The following TCF7L1 variants were observed in gnomAD, a reference collection of about 807,000 sequenced individuals.
The protein encoded by TCF7L1 is transcription factor 7 like 1, also known as transcription factor 7-like 1.
Under a neutral mutation model 63.7 loss-of-function variants are expected in TCF7L1, and 18 were observed. The ratio of observed to expected loss-of-function variants is 0.28; its 90% CI spans 0.20 to 0.42. TCF7L1 has a LOEUF of 0.42. Ranked by LOEUF, TCF7L1 falls within the 10% of genes least tolerant of loss-of-function variation. TCF7L1 has a pLI of 1.00. For synonymous variants in TCF7L1, 355 were observed against 340.9 expected, an observed-to-expected ratio of 1.04 and a Z score of -0.46; for missense variants, 654 against 779.3, an observed-to-expected ratio of 0.84 and a Z score of 1.91.
At chr2:85,294,909 C>T (rs1681808113) in intron 4 of TCF7L1, among the ~76,000 whole-genome samples, 1 of 151,962 alleles carries the variant, frequency 6.6e-6, no homozygotes, top group African/African-American at 2.4e-5. Flanking sequence ...TGGCACATAC[C>T]TGCAGTCCCA....
At chr2:85,303,863 G>T (rs199708839) in intron 5 of TCF7L1, 32 bp from the exon 6 acceptor site, 58 of 1,527,300 alleles carry the variant, frequency 3.8e-5, no homozygotes, top group Non-Finnish European at 4.9e-5. Flanking sequence ...CAGGGCGAGG[G>T]AACAGTCTGA....
chr2:85,161,233 A>G lies in TCF7L1; in HGVS notation c.441+26783A>G, dbSNP rs113212935. 5.3e-3 allele frequency among the ~76,000 whole-genome samples: 803 copies of G among 152,284 alleles called. 5 individuals carry two copies. The highest frequency in any genetic ancestry group is 0.018 in the African/African-American group (767 of 41,556). On this transcript the variant is annotated intron_variant, in intron 3 of 11. Coordinates refer to ENST00000282111, the MANE Select transcript of TCF7L1 (RefSeq NM_031283.3). ...TTGCAGTTGCCCAATTTCCTGGTGA[A>G]TTTTCAGGTTCTCTAGTGGTTTGGA...
chr2:85,274,349 C>G (rs566606151), intron 3 of TCF7L1, among the ~76,000 whole-genome samples: 22 of 152,332 alleles, frequency 1.4e-4, no homozygotes, highest in Middle Eastern at 3.4e-3. Flanking sequence ...CCCGGGGTCC[C>G]CCTGGTCAGG....
At chr2:85,173,316 T>C (rs1353704320) in intron 3 of TCF7L1, among the ~76,000 whole-genome samples, 1 of 113,058 alleles carries the variant, frequency 8.8e-6, no homozygotes, top group African/African-American at 3.5e-5. Flanking sequence ...AGCAGGGGAG[T>C]GGGTACGGAG....
chr2:85,172,244 C>T (rs79222457), intron 3 of TCF7L1, among the ~76,000 whole-genome samples: 6,102 of 152,170 alleles, frequency 0.04, 130 homozygotes, highest in Middle Eastern at 0.065. Flanking sequence ...AGGTAATGGT[C>T]GGCCCTCCTC....
chr2:85,178,644 C>G (rs1294856151), intron 3 of TCF7L1, among the ~76,000 whole-genome samples: 2 of 152,134 alleles, frequency 1.3e-5, no homozygotes, highest in Non-Finnish European at 2.9e-5. Flanking sequence ...GGTTATTTGT[C>G]CATTTTATAG....
intron 3 of TCF7L1, among the ~76,000 whole-genome samples, chr2:85,165,076 C>T (rs72840118): frequency 0.13 from 20,169 of 152,148 alleles, 1,694 homozygotes; most frequent in African/African-American, 0.23. Flanking sequence ...TGTGGGCTTC[C>T]CTAGCCTACC....
rs190373975 is a variant in TCF7L1, at chr2:85,207,312, T to A, written c.441+72862T>A. On this transcript the variant is annotated intron_variant, in intron 3 of 11. Coordinates refer to ENST00000282111, the MANE Select transcript of TCF7L1 (RefSeq NM_031283.3). ...GACCCTTGTTGTCTTTCACACCACTTTGTCCCTCAGTCACAACCACCAAGC... is the reference window on the plus strand; with the variant it reads ...GACCCTTGTTGTCTTTCACACCACTATGTCCCTCAGTCACAACCACCAAGC... Among the ~76,000 whole-genome samples the A allele has an allele frequency of 2.6e-5, 4 of 152,260 alleles. No individual in the cohort carries two copies. The East Asian group carries it at 7.7e-4, about 29-fold the overall frequency.
At chr2:85,221,297 G>C (rs1309490555) in intron 3 of TCF7L1, among the ~76,000 whole-genome samples, 2 of 152,176 alleles carry the variant, frequency 1.3e-5, no homozygotes. Context: ...GCTGTGTGCT[G>C]TTTGCCACTG....
At chr2:85,252,010 G>T (rs1171206683) in intron 3 of TCF7L1, among the ~76,000 whole-genome samples, 2 of 152,186 alleles carry the variant, frequency 1.3e-5, no homozygotes, top group South Asian at 2.1e-4. Context: ...AGGAGGTCGA[G>T]ACTTCAGTGA....
intron 3 of TCF7L1, among the ~76,000 whole-genome samples, chr2:85,147,899 CA>C (rs1354083580): frequency 1.3e-5 from 2 of 151,794 alleles, no homozygotes; most frequent in African/African-American, 4.8e-5. Context: ...ATCGTAAAGT[CA>C]AAAAAATATT....
intron 3 of TCF7L1, among the ~76,000 whole-genome samples, chr2:85,260,230 A>G (rs1680827946): frequency 6.6e-6 from 1 of 152,186 alleles, no homozygotes; most frequent in South Asian, 2.1e-4. Flanking sequence ...AGCGAACCAG[A>G]TGCTTCTGGG....
chr2:85,242,296 GC>G (rs1290561824), intron 3 of TCF7L1, among the ~76,000 whole-genome samples: 2 of 152,144 alleles, frequency 1.3e-5, no homozygotes, highest in Non-Finnish European at 2.9e-5. Context: ...GTCACATAAA[GC>G]CCCGGCCCAA....
chr2:85,172,390 C>G (rs1227263532), intron 3 of TCF7L1, among the ~76,000 whole-genome samples: 1 of 152,226 alleles, frequency 6.6e-6, no homozygotes, highest in Non-Finnish European at 1.5e-5. Context: ...TGTCACACAG[C>G]CTTTCACTTG....
intron 3 of TCF7L1, among the ~76,000 whole-genome samples, chr2:85,266,624 C>T (rs1680977153): frequency 6.6e-6 from 1 of 152,242 alleles, no homozygotes; most frequent in Non-Finnish European, 1.5e-5. Flanking sequence ...ATTGGTCCAG[C>T]ATGCTTCCGG....
chr2:85,185,554 A>T (rs1678899734), intron 3 of TCF7L1, among the ~76,000 whole-genome samples: 1 of 152,166 alleles, frequency 6.6e-6, no homozygotes, highest in South Asian at 2.1e-4. Flanking sequence ...ACCACAGGGC[A>T]GCCAGAGCTC....
chr2:85,155,506 A>G (rs2104211675), intron 3 of TCF7L1, among the ~76,000 whole-genome samples: 1 of 152,306 alleles, frequency 6.6e-6, no homozygotes, highest in African/African-American at 2.4e-5. Context: ...GGAAGGAACC[A>G]ATTCTGGACA....
At chr2:85,246,058 A>G (rs1043015513) in intron 3 of TCF7L1, among the ~76,000 whole-genome samples, 5 of 143,010 alleles carry the variant, frequency 3.5e-5, no homozygotes, top group African/African-American at 1.5e-4. Flanking sequence ...TGCTGACTCA[A>G]TGCAATGGTG....
intron 3 of TCF7L1, among the ~76,000 whole-genome samples, chr2:85,221,274 T>C (rs1374320931): frequency 6.6e-6 from 1 of 152,176 alleles, no homozygotes; most frequent in Non-Finnish European, 1.5e-5. Context: ...AATCACGCAT[T>C]TGTCCTGCCT....
Sources: gnomAD v4.1 joint callset for allele counts (sites outside exome capture counted in the v4.1 genomes callset) on GRCh38, gnomAD v4.1.1 for gene constraint, MANE v1.5 for transcripts, NCBI Gene and HGNC (gene_info 2026-07-23, HGNC 2026-07-21) for gene names.